Variants in PLAAT1 observed in about 807,000 individuals in gnomAD.
The protein encoded by PLAAT1 is H-REV107 protein-related protein.
In PLAAT1, 13 loss-of-function variants were observed where a neutral mutation model predicts 16.4. The observed-to-expected ratio is 0.79, with a 90% CI of 0.52 to 1.26. The LOEUF is 1.26. PLAAT1 is among the 50% of genes most tolerant of loss of function. The probability of loss-of-function intolerance (pLI) is 0.00; values close to 1 mark genes in which losing one functional copy is unlikely to be tolerated. For synonymous variants in PLAAT1, 73 were observed against 78.4 expected (o/e 0.93, Z 0.36); for missense variants, 218 against 207.8 (o/e 1.05, Z -0.30).
At chr3:193,252,590 G>T (rs1023051069) in intron 1 of PLAAT1, among the ~76,000 whole-genome samples, 5 of 152,060 alleles carry the variant, frequency 3.3e-5, no homozygotes, top group Non-Finnish European at 7.4e-5. Context: ...TCCTGGTAAG[G>T]ATCATACTTT....
chr3:193,258,957 A>G (rs1438875206), intron 2 of PLAAT1, among the ~76,000 whole-genome samples: 1 of 152,132 alleles, frequency 6.6e-6, no homozygotes, highest in Non-Finnish European at 1.5e-5. Context: ...AAAAAAAGAA[A>G]ACTTCAGGCC....
chr3:193,262,628 T>C (rs1716626944), intron 2 of PLAAT1, among the ~76,000 whole-genome samples: 1 of 152,166 alleles, frequency 6.6e-6, no homozygotes, highest in African/African-American at 2.4e-5. Context: ...CTTATCTGTA[T>C]CTATGTTAGA....
chr3:193,271,359 A>G (rs1479407244), downstream of PLAAT1, among the ~76,000 whole-genome samples: 3 of 152,212 alleles, frequency 2.0e-5, no homozygotes, highest in Admixed American at 1.3e-4. Context: ...ACAGTGTTAC[A>G]TATTATTCCC....
intron 2 of PLAAT1, among the ~76,000 whole-genome samples, chr3:193,258,575 C>T (rs1716465806): frequency 6.6e-6 from 1 of 152,002 alleles, no homozygotes; most frequent in Non-Finnish European, 1.5e-5. Context: ...ACATTATAAC[C>T]AGTCCTACAG....
In PLAAT1 at chr3:193,255,778, T is replaced by C. The variant is rs1716352295; in HGVS notation, c.128T>C (p.Ile43Thr). ...LYLGDGYVIN[I>T]APVDGIPASF... ...TTGGGTGATGGTTACGTTATCAACA[T>C]AGCACCTGTAGGTGAGGTTTATTTC... is the stretch of plus-strand genomic sequence containing the variant. The change falls in exon 2 of 4, where the codon ATA (isoleucine) becomes ACA (threonine). Residue 43 changes from isoleucine (I) to threonine (T), a missense_variant. By Grantham distance (89) the Ile-to-Thr change is moderately conservative. Coordinates refer to ENST00000264735, the MANE Select transcript of PLAAT1 (RefSeq NM_020386.5). 4 of 1,600,024 alleles carry C rather than the reference T, an allele frequency of 2.5e-6. No homozygotes were observed. Among genetic ancestry groups the C allele is most frequent in the East Asian group, 4.5e-5 (2 of 44,476 alleles).
intron 1 of PLAAT1, 60 bp downstream of exon 1, chr3:193,241,593 C>A: frequency 8.5e-7 from 1 of 1,175,006 alleles, no homozygotes; most frequent in Non-Finnish European, 1.1e-6. Context: ...CGTGTTCTAA[C>A]CAACTGGCAA....
At chr3:193,247,151 T>C (rs1360436191) in intron 1 of PLAAT1, among the ~76,000 whole-genome samples, 1 of 152,226 alleles carries the variant, frequency 6.6e-6, no homozygotes, top group African/African-American at 2.4e-5. Context: ...TAGCTGTTCA[T>C]AGTAGTCTTC....
chr3:193,270,097 C>CACACACAT (rs1344768278), intron 3 of PLAAT1, among the ~76,000 whole-genome samples: 4 of 151,990 alleles, frequency 2.6e-5, no homozygotes, highest in African/African-American at 9.7e-5. Context: ...CACACACACA[C>CACACACAT]ACACACACTC....
chr3:193,247,871 T>G (rs1213792854), intron 1 of PLAAT1, among the ~76,000 whole-genome samples: 1 of 152,206 alleles, frequency 6.6e-6, no homozygotes. Flanking sequence ...TGGAGAATAC[T>G]CCATGTGCAA....
At position 193,263,088 on chromosome 3, in the gene PLAAT1, C is replaced by T. The variant is rs767050711; in HGVS notation, c.258C>T (p.Tyr86=). The part of the protein sequence containing the change: ...GNDTYRINNK[Y]DETYPPLPVE... ...ACACATACAGAATAAACAATAAATA[C>T]GATGAAACGTACCCCCCTCTCCCTG... The change falls in exon 3 of 4, where the codon TAC becomes TAT. Residue 86 remains tyrosine, a synonymous_variant. Transcript: ENST00000264735. 14 of 1,613,974 alleles carry T rather than the reference C, an allele frequency of 8.7e-6. No homozygotes were observed. In the East Asian group the frequency reaches 1.6e-4, roughly 18 times the overall value.
chr3:193,274,187 G>C (rs988968352), downstream of PLAAT1, among the ~76,000 whole-genome samples: 4 of 152,148 alleles, frequency 2.6e-5, no homozygotes, highest in Non-Finnish European at 4.4e-5. Flanking sequence ...AGGTTGCAGT[G>C]AGCCAAAATT....
intron 2 of PLAAT1, among the ~76,000 whole-genome samples, chr3:193,257,338 T>C (rs1308158187): frequency 2.0e-5 from 3 of 152,200 alleles, no homozygotes; most frequent in African/African-American, 7.2e-5. Flanking sequence ...GATTTGGTGC[T>C]GGATAGATAT....
At chr3:193,266,833 A>G (rs1174851562) in intron 3 of PLAAT1, among the ~76,000 whole-genome samples, 1 of 148,770 alleles carries the variant, frequency 6.7e-6, no homozygotes, top group Non-Finnish European at 1.5e-5. Flanking sequence ...ATTACTATCA[A>G]TAACTAATAG....
downstream of PLAAT1, among the ~76,000 whole-genome samples, chr3:193,275,732 A>G (rs1321708860): frequency 1.3e-5 from 2 of 152,166 alleles, no homozygotes; most frequent in Non-Finnish European, 2.9e-5. Context: ...ATTGGTTTTC[A>G]TTTTTTGAGA....
chr3:193,275,000 G>GA (rs764877338), downstream of PLAAT1: 2 of 1,604,818 alleles, frequency 1.2e-6, no homozygotes, highest in Admixed American at 1.7e-5. Flanking sequence ...TAATTTTGGG[G>GA]AAAAAAGCAA....
At chr3:193,272,269 C>T (rs541868036), downstream of PLAAT1, among the ~76,000 whole-genome samples, 3 of 152,112 alleles carry the variant, frequency 2.0e-5, no homozygotes, top group African/African-American at 7.2e-5. Context: ...TGGTGAAACC[C>T]CGTCTCTACT....
intron 1 of PLAAT1, among the ~76,000 whole-genome samples, chr3:193,244,293 G>T (rs1001285460): frequency 1.3e-5 from 2 of 152,094 alleles, no homozygotes; most frequent in Non-Finnish European, 2.9e-5. Flanking sequence ...GTAGTTACAA[G>T]CTAAACTTTT....
rs563783815 is a variant in PLAAT1 at position 193,275,925 on chromosome 3, G to T, written c.*60-1711G>T. ...ACGTAGGTACAATATGATTAATAAT[G>T]ATTTTTAGTGACTAGCATTTCCTCA... On this transcript the variant is annotated intron_variant and NMD_transcript_variant, in intron 2 of 2. Transcript: ENST00000416012. Among the ~76,000 whole-genome samples the T allele has an allele frequency of 9.9e-5, 15 of 152,188 alleles. No individual in the cohort carries two copies. The South Asian group carries it at 2.3e-3, about 23-fold the overall frequency.
chr3:193,244,329 A>G (rs1051781958), intron 1 of PLAAT1, among the ~76,000 whole-genome samples: 7 of 152,170 alleles, frequency 4.6e-5, no homozygotes, highest in Admixed American at 4.6e-4. Flanking sequence ...CTGCTTCCAG[A>G]GTAGCTACAC....
Sources: allele counts gnomAD v4.1 joint callset (sites outside exome capture counted in the v4.1 genomes callset), GRCh38; gene constraint gnomAD v4.1.1; transcripts MANE v1.5; gene names NCBI Gene and HGNC (gene_info 2026-07-23, HGNC 2026-07-21).